Variants in CP observed in about 807,000 individuals in gnomAD.
CP encodes caeruloplasmin.
A neutral mutation model predicts 122.4 loss-of-function variants in CP; 64 were observed. That is an observed-to-expected ratio of 0.52 (90% CI 0.43 to 0.64). The LOEUF (loss-of-function observed/expected upper bound fraction) is 0.64. Among genes scored for constraint, CP ranks in the 30% least tolerant of loss-of-function variants. The pLI is 0.00. For synonymous variants in CP, 440 were observed against 436.4 expected, an observed-to-expected ratio of 1.01 and a Z score of -0.10; for missense variants, 1,167 against 1,284.4, an observed-to-expected ratio of 0.91 and a Z score of 1.40.
In CP at chr3:149,221,753, T is replaced by C. The variant is rs149864882; in HGVS notation, c.40A>G (p.Ser14Gly). Reference protein sequence around the residue: ...LILGIFLFLCSTPAWAKEKHY... With the variant: ...LILGIFLFLCGTPAWAKEKHY... ...TTTTCTTTCGCCCAGGCTGGGGTAC[T>C]ACATAAAAACAGAAAAATACCAAGT... The change falls in exon 1 of 19, where the codon AGT becomes GGT. Residue 14 changes from serine to glycine, a missense_variant. Physicochemically the swap from Ser to Gly is moderately conservative, Grantham distance 56. This residue lies in a region of CP where 642 missense variants were observed against 627.3 expected (regional missense o/e 1.02). Coordinates refer to ENST00000264613, the MANE Select transcript of CP (RefSeq NM_000096.4). The C allele has an allele frequency of 1.8e-5, 29 of 1,613,610 alleles. No homozygotes were observed. The African/African-American group carries it at 3.5e-4, about 19-fold the overall frequency.
Position 149,207,620 on chromosome 3 carries a change from G to A in CP, c.782-3C>T, listed in dbSNP as rs375191868. ...TCCAAAAGTGTATCCATTCACAGCTGTAAGTCAAGAGCAGAGTTTGTGACT... is the reference window on the plus strand; with the variant it reads ...TCCAAAAGTGTATCCATTCACAGCTATAAGTCAAGAGCAGAGTTTGTGACT... On this transcript the variant is annotated splice_polypyrimidine_tract_variant and splice_region_variant and intron_variant, in intron 4 of 18. Transcript: ENST00000264613. 163 of 1,613,688 alleles carry A rather than the reference G, an allele frequency of 1.0e-4. No individual in the cohort carries two copies. Among genetic ancestry groups the A allele is most frequent in the Non-Finnish European group, 1.4e-4 (160 of 1,179,696 alleles).
At position 149,185,291 on chromosome 3, in the gene CP, A is replaced by G. The variant is rs763758637; in HGVS notation, c.2233T>C (p.Tyr745His). The G allele has an allele frequency of 6.2e-7, 1 of 1,613,796 alleles. No homozygotes were observed. The highest frequency in any genetic ancestry group is 1.7e-5 in the Admixed American group (1 of 60,010). ...TTTTCCCACTCCCTTTGTGGGGAAT[A>G]ATCCCATTCCACCTCCACTGCTGCG... Reference protein sequence around the residue: ...YIAAVEVEWDYSPQREWEKEL... With the variant: ...YIAAVEVEWDHSPQREWEKEL... Residue 745 changes from tyrosine to histidine, a missense_variant, in exon 12 of 19, where the codon TAT (tyrosine) becomes CAT (histidine). Tyr to His is a moderately conservative substitution (Grantham distance 83). Transcript: ENST00000264613.
intron 13 of CP, among the ~76,000 whole-genome samples, chr3:149,182,386 G>C (rs1034775375): frequency 3.3e-5 from 5 of 152,230 alleles, no homozygotes; most frequent in South Asian, 4.2e-4. Context: ...AATCATGGTG[G>C]GTTGGATATC....
At chr3:149,168,910 A>T (rs532324082), downstream of CP, among the ~76,000 whole-genome samples, 9 of 147,190 alleles carry the variant, frequency 6.1e-5, no homozygotes, top group African/African-American at 1.9e-4. Context: ...CATCATCATT[A>T]TCTTAATCAG....
chr3:149,187,527 T>C (rs1726251850), intron 10 of CP, among the ~76,000 whole-genome samples: 1 of 152,212 alleles, frequency 6.6e-6, no homozygotes, highest in African/African-American at 2.4e-5. Context: ...GGTCATTTTT[T>C]AAAAGCCCCC....
chr3:149,166,741 G>A (rs1724461051), intron 4 of CP, among the ~76,000 whole-genome samples: 1 of 152,146 alleles, frequency 6.6e-6, no homozygotes, highest in African/African-American at 2.4e-5. Flanking sequence ...TCTTAGGATA[G>A]AGTCCTAAAG....
chr3:149,209,346 C>A lies in CP; in HGVS notation c.646G>T (p.Glu216Ter). ...DKEKEKHIDR[E>*]FVVMFSVVDE... ...ACCACAGAAAACATCACCACAAATT[C>A]TCGGTCAATATGTTTTTCTTTTTCT... Residue 216 changes from glutamate (E) to a stop codon, truncating the protein, a stop_gained, in exon 4 of 19, where the codon GAA becomes TAA. Coordinates refer to ENST00000264613, the MANE Select transcript of CP (RefSeq NM_000096.4). LOFTEE classifies it high-confidence loss of function. The A allele has an allele frequency of 6.2e-7, 1 of 1,613,688 alleles. No homozygotes were observed. Among genetic ancestry groups the A allele is most frequent in the African/African-American group, 1.3e-5 (1 of 75,032 alleles).
At chr3:149,186,804 A>G (rs2108240659) in intron 10 of CP, 72 bp from the exon 11 acceptor site, 3 of 1,425,314 alleles carry the variant, frequency 2.1e-6, no homozygotes, top group East Asian at 4.6e-5. Flanking sequence ...CAGACTTTCC[A>G]GGACCAACTT....
At chr3:149,172,318 TCACA>T (rs113015797), downstream of CP, 3,052 of 568,656 alleles carry the variant, frequency 5.4e-3, 6 homozygotes, top group Middle Eastern at 0.015. Context: ...ATTTTATATA[TCACA>T]CACACACACA....
In CP at chr3:149,210,310, T is replaced by C. The variant is rs1288353773; in HGVS notation, c.464A>G (p.Tyr155Cys). 1.9e-6 allele frequency: 3 copies of C among 1,614,020 alleles called. No individual in the cohort carries two copies. The highest frequency in any genetic ancestry group is 1.3e-5 in the African/African-American group (1 of 74,936). ...ADDKVYPGEQ[Y>C]TYMLLATEEQ... ...TTCAGTGGCAAGCAACATGTATGTA[T>C]ACTGCTCTCCTGGATATACTTTGTC... The change falls in exon 3 of 19, where the codon TAT becomes TGT. Residue 155 changes from tyrosine to cysteine, a missense_variant. Physicochemically the swap from Tyr to Cys is radical, Grantham distance 194. Transcript: ENST00000264613.
chr3:149,217,450 C>G (rs912765821), intron 1 of CP, among the ~76,000 whole-genome samples: 1 of 152,098 alleles, frequency 6.6e-6, no homozygotes, highest in Non-Finnish European at 1.5e-5. Context: ...GAATCTGTAA[C>G]TAGAGACTTT....
At chr3:149,210,981 T>C (rs1728064728) in intron 2 of CP, among the ~76,000 whole-genome samples, 1 of 152,230 alleles carries the variant, frequency 6.6e-6, no homozygotes, top group Non-Finnish European at 1.5e-5. Flanking sequence ...CTCTAAAAGA[T>C]AGGAACCCTT....
chr3:149,183,404 G>A lies in CP; in HGVS notation c.2425+62C>T, dbSNP rs141426047. The A allele has an allele frequency of 3.0e-4, 456 of 1,542,720 alleles. No homozygotes were observed. The African/African-American group carries it at 4.0e-3, about 13-fold the overall frequency. On this transcript the variant is annotated intron_variant, in intron 13 of 18. Transcript: ENST00000264613. Reference sequence around the variant, plus strand: ...ATGAAACCCATAGACATGAATTGACGGTTACTGCAGGTAGCATCACATCAT... The same window carrying A: ...ATGAAACCCATAGACATGAATTGACAGTTACTGCAGGTAGCATCACATCAT...
chr3:149,188,490 CAAAAAAAAA>C (rs60815739), intron 9 of CP, among the ~76,000 whole-genome samples: 205 of 46,100 alleles, frequency 4.4e-3, no homozygotes, highest in African/African-American at 9.5e-3. Context: ...TTGAAGCCTC[CAAAAAAAAA>C]AAAAAAAAAA....
In CP at chr3:149,209,899, T is replaced by G. The variant is rs546489663; in HGVS notation, c.607+268A>C. Among the ~76,000 whole-genome samples, 13 of 152,308 alleles carry G rather than the reference T, an allele frequency of 8.5e-5. 1 individual carries two copies. Among genetic ancestry groups the G allele is most frequent in the African/African-American group, 3.1e-4 (13 of 41,576 alleles). On this transcript the variant is annotated intron_variant, in intron 3 of 18. Transcript: ENST00000264613. ...GTCATATGTCTCTTCAGCACCACTG[T>G]TGGAAGTTAGATACAGCAAACTGAA... is the stretch of plus-strand genomic sequence containing the variant.
In CP at chr3:149,174,884, T is replaced by G. The variant is rs577844842; in HGVS notation, c.3182-1154A>C. The stretch of plus-strand genomic sequence containing the variant: ...AAAAGTCAAATTTCTCTTTAATTTT[T>G]TATCTAGTGTTGATTTTTACTTCAT... On this transcript the variant is annotated intron_variant, in intron 18 of 18. Coordinates refer to ENST00000264613, the MANE Select transcript of CP (RefSeq NM_000096.4). Among the ~76,000 whole-genome samples, 12 of 152,318 alleles carry G rather than the reference T, an allele frequency of 7.9e-5. No homozygotes were observed. The East Asian group carries it at 2.3e-3, about 29-fold the overall frequency.
chr3:149,210,762 C>CA (rs1371380459), intron 2 of CP, among the ~76,000 whole-genome samples: 1 of 152,108 alleles, frequency 6.6e-6, no homozygotes, highest in Non-Finnish European at 1.5e-5. Context: ...TTTCTACTCT[C>CA]AATTTTGGAA....
chr3:149,205,727 A>G (rs1419801507), intron 6 of CP, among the ~76,000 whole-genome samples: 1 of 152,108 alleles, frequency 6.6e-6, no homozygotes, highest in African/African-American at 2.4e-5. Flanking sequence ...CGAGCTTATC[A>G]GGGGGTGGAG....
intron 18 of CP, among the ~76,000 whole-genome samples, chr3:149,175,664 AGTGT>A (rs60005904): frequency 4.8e-5 from 7 of 145,622 alleles, no homozygotes; most frequent in East Asian, 4.0e-4. Context: ...CTCCATTTTA[AGTGT>A]GTGTGTGTGT....
Sources: allele counts gnomAD v4.1 joint callset (sites outside exome capture counted in the v4.1 genomes callset), GRCh38; gene constraint gnomAD v4.1.1; regional missense constraint gnomAD v4.1.1; transcripts MANE v1.5; gene names NCBI Gene and HGNC (gene_info 2026-07-23, HGNC 2026-07-21).